Variants in PTPRF observed in about 807,000 individuals in gnomAD.
The protein encoded by PTPRF is receptor-type tyrosine-protein phosphatase F.
PTPRF carries 59 observed loss-of-function variants against 201.8 expected under a neutral mutation model. That is an observed-to-expected ratio of 0.29 (90% CI 0.24 to 0.36). PTPRF has a LOEUF of 0.36. Ranked by LOEUF, PTPRF falls within the 10% of genes least tolerant of loss-of-function variation. PTPRF has a pLI of 1.00. For synonymous variants in PTPRF, 1,088 were observed against 1,089.7 expected, an observed-to-expected ratio of 1.00 and a Z score of 0.03; for missense variants, 2,132 against 2,690.5, an observed-to-expected ratio of 0.79 and a Z score of 4.59.
Position 43,622,079 on chromosome 1 carries a change from C to T in PTPRF, c.*76C>T. 3 of 1,474,998 alleles carry T rather than the reference C, an allele frequency of 2.0e-6. No individual in the cohort carries two copies. Among genetic ancestry groups the T allele is most frequent in the Non-Finnish European group, 2.8e-6 (3 of 1,057,154 alleles). The allele number at this position is 1,474,998 out of a possible 1,614,324, so 91.4% of individuals were successfully genotyped here. ...CCCAGCTCCTCTGAGCCATACCGAC[C>T]ATCGTCCAGCCCTCCTACGCAGATG... On this transcript the variant is annotated 3_prime_UTR_variant, in exon 34 of 34. Coordinates refer to ENST00000359947, the MANE Select transcript of PTPRF (RefSeq NM_002840.5).
At chr1:43,556,498 C>G (rs1276050199) in intron 5 of PTPRF, among the ~76,000 whole-genome samples, 2 of 152,108 alleles carry the variant, frequency 1.3e-5, no homozygotes, top group African/African-American at 2.4e-5. Flanking sequence ...CTGACCTCGC[C>G]CGCCTTGGCC....
chr1:43,613,474 A>G (rs1446734578), intron 22 of PTPRF, 144 bp from the exon 23 acceptor site: 6 of 718,606 alleles, frequency 8.3e-6, no homozygotes, highest in Non-Finnish European at 1.5e-5. Flanking sequence ...CTGTCGCCGC[A>G]TGTGCTGCTG....
chr1:43,619,433 G>A lies in PTPRF; in HGVS notation c.4792G>A (p.Val1598Met), dbSNP rs772345080. ...NYMVQTEDQY[V>M]FIHEALLEAA... is the part of the protein sequence containing the mutation. ...CATGGTGCAGACGGAGGACCAGTACGTGTTCATCCATGAGGCGCTGCTGGA... is the reference window on the plus strand; with the variant it reads ...CATGGTGCAGACGGAGGACCAGTACATGTTCATCCATGAGGCGCTGCTGGA... Residue 1598 changes from valine (V) to methionine (M), a missense_variant, in exon 28 of 34, where the codon GTG (valine) becomes ATG (methionine). By Grantham distance (21) the Val-to-Met change is conservative. This residue lies in a region of PTPRF where 519 missense variants were observed against 659.5 expected (regional missense o/e 0.79). Coordinates refer to ENST00000359947, the MANE Select transcript of PTPRF (RefSeq NM_002840.5). The A allele has an allele frequency of 1.9e-5, 30 of 1,613,998 alleles. No individual in the cohort carries two copies. The highest frequency in any genetic ancestry group is 6.7e-5 in the Admixed American group (4 of 60,018).
chr1:43,607,107 G>T, intron 21 of PTPRF, 139 bp downstream of exon 21: 3 of 1,198,878 alleles, frequency 2.5e-6, no homozygotes, highest in Non-Finnish European at 3.5e-6. Context: ...AGGCAGGAAG[G>T]GCAGGAGCAG....
upstream of PTPRF, among the ~76,000 whole-genome samples, chr1:43,522,959 G>A (rs1377104405): frequency 1.3e-5 from 2 of 152,186 alleles, no homozygotes; most frequent in Non-Finnish European, 2.9e-5. Flanking sequence ...AGATGGGGGA[G>A]GGGCAGAGCA....
chr1:43,611,782 G>T (rs914413373), intron 22 of PTPRF, among the ~76,000 whole-genome samples: 3 of 152,214 alleles, frequency 2.0e-5, no homozygotes, highest in African/African-American at 4.8e-5. Context: ...CAGAGTCCGG[G>T]CTTAAGCCCA....
At chr1:43,541,300 C>T (rs144556516) in intron 2 of PTPRF, among the ~76,000 whole-genome samples, 1,671 of 152,346 alleles carry the variant, frequency 0.011, 29 homozygotes, top group African/African-American at 0.038. Flanking sequence ...ATGATGAGGA[C>T]TCAGGAATGA....
At chr1:43,609,579 C>A in intron 22 of PTPRF, 81 bp downstream of exon 22, 1 of 1,032,740 alleles carries the variant, frequency 9.7e-7, no homozygotes, top group Non-Finnish European at 1.5e-6. Context: ...TCAGGGTCGC[C>A]ACTGAAGTTC....
In PTPRF at chr1:43,619,564, C is replaced by T. The variant is rs199784544; in HGVS notation, c.4923C>T (p.Leu1641=). 2.9e-5 allele frequency: 47 copies of T among 1,612,042 alleles called. 1 individual carries two copies. In the South Asian group the frequency reaches 3.2e-4, roughly 11 times the overall value. ...GGGAGAGTGTGACCGCCATGGAGCT[C>T]GAGTTCAAGGTGGGGCTCGGGTGGG... ...PPGESVTAME[L]EFKLLASSKA... Residue 1641 remains leucine (L), a synonymous_variant, in exon 28 of 34, where the codon CTC becomes CTT. Coordinates refer to ENST00000359947, the MANE Select transcript of PTPRF (RefSeq NM_002840.5).
Position 43,537,814 on chromosome 1 carries a change from T to C in PTPRF, c.-125-384T>C, listed in dbSNP as rs1644115680. Among the ~76,000 whole-genome samples, 1 of 152,122 alleles carries C rather than the reference T, an allele frequency of 6.6e-6. No individual in the cohort carries two copies. Among genetic ancestry groups the C allele is most frequent in the African/African-American group, 2.4e-5 (1 of 41,430 alleles). On this transcript the variant is annotated intron_variant, in intron 1 of 33. Coordinates refer to ENST00000359947, the MANE Select transcript of PTPRF (RefSeq NM_002840.5). The surrounding 1 kb of genome is among the most constrained non-coding windows in gnomAD (Gnocchi z 4.8). ...GGATCAGAAGAGGAAGTTCCCGTTCTGGCAGGAGGAGAGCATGGGCAGGTA... is the reference window on the plus strand; with the variant it reads ...GGATCAGAAGAGGAAGTTCCCGTTCCGGCAGGAGGAGAGCATGGGCAGGTA...
At chr1:43,613,426 C>T (rs919997369) in intron 22 of PTPRF, 192 bp from the exon 23 acceptor site, 33 of 585,788 alleles carry the variant, frequency 5.6e-5, no homozygotes, top group Non-Finnish European at 5.7e-5. Context: ...GCTCATGGCA[C>T]AACACCGCCC....
Position 43,621,932 on chromosome 1 carries a change from C to T in PTPRF, c.5656-3C>T, listed in dbSNP as rs1293674505. The T allele has an allele frequency of 5.6e-6, 9 of 1,614,022 alleles. No individual in the cohort carries two copies. The highest frequency in any genetic ancestry group is 7.6e-6 in the Non-Finnish European group (9 of 1,180,010). On this transcript the variant is annotated splice_polypyrimidine_tract_variant and splice_region_variant and intron_variant, in intron 33 of 33. Coordinates refer to ENST00000359947, the MANE Select transcript of PTPRF (RefSeq NM_002840.5). ...CACACTGACCAGCCCCCTATCCTGG[C>T]AGGACCAGTATCAGCTGTGCTACCG...
intron 5 of PTPRF, among the ~76,000 whole-genome samples, chr1:43,557,497 G>A (rs1645461582): frequency 6.6e-6 from 1 of 152,202 alleles, no homozygotes; most frequent in South Asian, 2.1e-4. Context: ...AACTGGGCGT[G>A]GTGGCGCACG....
chr1:43,576,721 A>G (rs1372540734), intron 6 of PTPRF, among the ~76,000 whole-genome samples: 1 of 152,210 alleles, frequency 6.6e-6, no homozygotes, highest in Non-Finnish European at 1.5e-5. Context: ...GGTCATGAGA[A>G]TTAGAGGAGA....
At chr1:43,560,509 A>C (rs68191270) in intron 5 of PTPRF, among the ~76,000 whole-genome samples, 107,008 of 152,050 alleles carry the variant, frequency 0.7, 38,350 homozygotes, top group Non-Finnish European at 0.78. Context: ...TGTGCCTTAC[A>C]ACCTGTGTGG....
intron 21 of PTPRF, among the ~76,000 whole-genome samples, chr1:43,608,714 A>G (rs567710479): frequency 2.0e-4 from 31 of 152,320 alleles, no homozygotes; most frequent in Middle Eastern, 3.4e-3. Flanking sequence ...ACTGTGTGGA[A>G]CAGCAGAGAG....
rs151189424 is a variant in PTPRF, at chr1:43,619,468, G to T, written c.4827G>T (p.Thr1609=). 3.2e-5 allele frequency: 51 copies of T among 1,613,932 alleles called. No homozygotes were observed. Among genetic ancestry groups the T allele is most frequent in the Non-Finnish European group, 4.2e-5 (50 of 1,180,042 alleles). The change falls in exon 28 of 34, where the codon ACG becomes ACT. Residue 1609 remains threonine, a synonymous_variant. Transcript: ENST00000359947. The stretch of plus-strand genomic sequence containing the variant: ...ATGAGGCGCTGCTGGAGGCTGCCAC[G>T]TGCGGCCACACAGAGGTGCCTGCCC... ...FIHEALLEAA[T]CGHTEVPARN...
intron 6 of PTPRF, among the ~76,000 whole-genome samples, chr1:43,576,704 C>T (rs536506684): frequency 4.6e-5 from 7 of 152,338 alleles, no homozygotes; most frequent in Middle Eastern, 3.4e-3. Flanking sequence ...GGCCACCTGC[C>T]GCACAGGGTC....
Position 43,618,725 on chromosome 1 carries a change from T to C in PTPRF, c.4467T>C (p.Thr1489=). The C allele has an allele frequency of 6.2e-7, 1 of 1,609,548 alleles. No individual in the cohort carries two copies. Among genetic ancestry groups the C allele is most frequent in the Non-Finnish European group, 8.5e-7 (1 of 1,176,372 alleles). The part of the protein sequence containing the change: ...LLDTVELATY[T]VRTFALHKSG... The stretch of plus-strand genomic sequence containing the variant: ...ACACAGTGGAGCTGGCCACATACAC[T>C]GTGCGCACCTTCGCACTCCACAAGG... Residue 1489 remains threonine, a synonymous_variant, in exon 26 of 34, where the codon ACT becomes ACC. Coordinates refer to ENST00000359947, the MANE Select transcript of PTPRF (RefSeq NM_002840.5).
Sources: gnomAD v4.1 joint callset for allele counts (sites outside exome capture counted in the v4.1 genomes callset) on GRCh38, gnomAD v4.1.1 for gene constraint, gnomAD v4.1.1 regional missense constraint, Gnocchi (gnomAD v3.1) non-coding constraint, MANE v1.5 for transcripts, NCBI Gene and HGNC (gene_info 2026-07-23, HGNC 2026-07-21) for gene names.